Variants in DNAJC8 observed in about 807,000 individuals in gnomAD.
The protein encoded by DNAJC8 is DnaJ heat shock protein family (Hsp40) member C8, also known as dnaJ homolog subfamily C member 8.
Under a neutral mutation model 43.2 loss-of-function variants are expected in DNAJC8, and 24 were observed. The observed-to-expected ratio is 0.56, with a 90% CI of 0.40 to 0.78. The LOEUF (loss-of-function observed/expected upper bound fraction) is 0.78, where lower values mean the gene tolerates loss of function less well. DNAJC8 is among the 30% of genes least tolerant of loss of function. The pLI is 0.00. For missense variants in DNAJC8, 207 were observed against 299.4 expected (o/e 0.69, Z 2.28); for synonymous variants, 83 against 98.0 (o/e 0.85, Z 0.90).
intron 5 of DNAJC8, chr1:28,208,679 T>C (rs1232761813): frequency 3.9e-6 from 1 of 256,268 alleles, no homozygotes; most frequent in Non-Finnish European, 7.4e-6. Flanking sequence ...CGGGAGGTTG[T>C]CCCCAACTCA....
At chr1:28,212,463 G>C (rs1646821772) in intron 3 of DNAJC8, among the ~76,000 whole-genome samples, 2 of 150,062 alleles carry the variant, frequency 1.3e-5, no homozygotes, top group Non-Finnish European at 3.0e-5. Flanking sequence ...TTCGTTTTTT[G>C]TAGAGACGGG....
intron 5 of DNAJC8, chr1:28,208,705 C>A (rs1646787995): frequency 4.7e-6 from 1 of 214,302 alleles, no homozygotes; most frequent in Non-Finnish European, 9.2e-6. Flanking sequence ...TCCAAAAAGT[C>A]TTTGAAACAG....
intron 3 of DNAJC8, among the ~76,000 whole-genome samples, chr1:28,212,195 AT>A (rs1557707969): frequency 2.6e-5 from 3 of 115,464 alleles, no homozygotes; most frequent in Admixed American, 1.8e-4. Flanking sequence ...ATATATATAT[AT>A]ATATATATAT....
intron 2 of DNAJC8, among the ~76,000 whole-genome samples, chr1:28,217,216 C>T (rs1646862431): frequency 6.6e-6 from 1 of 151,894 alleles, no homozygotes; most frequent in South Asian, 2.1e-4. Flanking sequence ...ACTGCAGCCT[C>T]GAGCTCTGGG....
intron 6 of DNAJC8, among the ~76,000 whole-genome samples, chr1:28,207,570 G>A (rs151206886): frequency 0.083 from 12,481 of 149,686 alleles, 695 homozygotes; most frequent in African/African-American, 0.15. Context: ...CAGCCTCTCG[G>A]GTAGTTGGGA....
chr1:28,229,919 C>A (rs1646962615), intron 1 of DNAJC8, among the ~76,000 whole-genome samples: 1 of 151,840 alleles, frequency 6.6e-6, no homozygotes, highest in South Asian at 2.1e-4. Flanking sequence ...AAGGAACAAA[C>A]AACTCCACCA....
At chr1:28,221,936 T>C (rs1019198036) in intron 2 of DNAJC8, among the ~76,000 whole-genome samples, 5 of 152,150 alleles carry the variant, frequency 3.3e-5, no homozygotes, top group African/African-American at 1.2e-4. Context: ...TACAATATGC[T>C]ACAACATTGA....
intron 2 of DNAJC8, among the ~76,000 whole-genome samples, chr1:28,224,428 C>T (rs1376686220): frequency 3.9e-5 from 6 of 152,020 alleles, no homozygotes; most frequent in South Asian, 2.1e-4. Flanking sequence ...CCATCACACC[C>T]GGTTAATTTT....
intron 5 of DNAJC8, among the ~76,000 whole-genome samples, chr1:28,209,365 A>G (rs1477780429): frequency 6.6e-6 from 1 of 152,200 alleles, no homozygotes; most frequent in Admixed American, 6.5e-5. Flanking sequence ...TTCTTGCCCC[A>G]GCAAGTAAAA....
At chr1:28,228,553 C>T (rs1046664171) in intron 2 of DNAJC8, among the ~76,000 whole-genome samples, 5 of 151,924 alleles carry the variant, frequency 3.3e-5, no homozygotes, top group African/African-American at 7.3e-5. Context: ...GTTACATATC[C>T]CTAATCCAAA....
At chr1:28,204,102 T>C (rs1029095914) in intron 7 of DNAJC8, among the ~76,000 whole-genome samples, 4 of 152,208 alleles carry the variant, frequency 2.6e-5, no homozygotes, top group Admixed American at 6.5e-5. Flanking sequence ...GGTTTTGGGC[T>C]CTTTCAGTGA....
chr1:28,216,349 A>G (rs1302873613), intron 2 of DNAJC8, among the ~76,000 whole-genome samples: 3 of 152,204 alleles, frequency 2.0e-5, no homozygotes, highest in African/African-American at 7.2e-5. Context: ...GTAACTGTAC[A>G]TACAAAAATA....
chr1:28,227,739 C>T (rs1050203782), intron 2 of DNAJC8, among the ~76,000 whole-genome samples: 1 of 151,924 alleles, frequency 6.6e-6, no homozygotes, highest in Non-Finnish European at 1.5e-5. Context: ...AATGAGGCCC[C>T]ATCTCTTTAA....
chr1:28,231,025 G>C (rs1646970097), intron 1 of DNAJC8, among the ~76,000 whole-genome samples: 1 of 152,098 alleles, frequency 6.6e-6, no homozygotes, highest in Non-Finnish European at 1.5e-5. Context: ...ATTTTTTTAT[G>C]AAACGCTTTC....
At chr1:28,224,515 G>A (rs992986819) in intron 2 of DNAJC8, among the ~76,000 whole-genome samples, 5 of 151,846 alleles carry the variant, frequency 3.3e-5, no homozygotes, top group African/African-American at 1.2e-4. Context: ...TGATCTGCCC[G>A]CCTCAGCCTC....
intron 2 of DNAJC8, among the ~76,000 whole-genome samples, chr1:28,224,434 A>AT (rs1488184210): frequency 2.0e-5 from 3 of 151,950 alleles, no homozygotes; most frequent in Non-Finnish European, 4.4e-5. Context: ...CACCCGGTTA[A>AT]TTTTTTTATT....
intron 8 of DNAJC8, among the ~76,000 whole-genome samples, chr1:28,202,288 TGTC>T (rs1572058265): frequency 6.6e-6 from 1 of 152,094 alleles, no homozygotes; most frequent in East Asian, 1.9e-4. Flanking sequence ...TCATTGTTGT[TGTC>T]TTTTGTGAGA....
intron 1 of DNAJC8, 70 bp from the exon 2 acceptor site, chr1:28,229,093 T>G: frequency 1.6e-6 from 2 of 1,263,182 alleles, no homozygotes; most frequent in South Asian, 1.2e-5. Flanking sequence ...TAACAAAATG[T>G]TCACTGATAT....
At chr1:28,212,168 A>AATAAATAAATAAAT (rs35950985) in intron 3 of DNAJC8, among the ~76,000 whole-genome samples, 6 of 31,022 alleles carry the variant, frequency 1.9e-4, no homozygotes, top group Admixed American at 9.9e-4. Context: ...TAAATAAATA[A>AATAAATAAATAAAT]ATATATATAT....
Sources: allele counts gnomAD v4.1 joint callset (sites outside exome capture counted in the v4.1 genomes callset), GRCh38; gene constraint gnomAD v4.1.1; transcripts MANE v1.5; gene names NCBI Gene and HGNC (gene_info 2026-07-23, HGNC 2026-07-21).